The following SYMPK variants were observed in gnomAD, a reference collection of about 807,000 sequenced individuals.
The protein encoded by SYMPK is symplekin.
Under a neutral mutation model 136.4 loss-of-function variants are expected in SYMPK, and 49 were observed. That is an observed-to-expected ratio of 0.36 (90% CI 0.29 to 0.46). The LOEUF (loss-of-function observed/expected upper bound fraction) is 0.46. Ranked by LOEUF, SYMPK falls within the 20% of genes least tolerant of loss-of-function variation. The pLI, the probability that SYMPK is intolerant of heterozygous loss-of-function variation, is 1.00. For missense variants in SYMPK, 1,365 were observed against 1,690.0 expected, an observed-to-expected ratio of 0.81 and a Z score of 3.37; for synonymous variants, 766 against 713.0, an observed-to-expected ratio of 1.07 and a Z score of -1.19.
chr19:45,821,487 T>G lies in SYMPK; in HGVS notation c.2792-2A>C, dbSNP rs778653920. The G allele has an allele frequency of 1.2e-6, 2 of 1,610,696 alleles. No homozygotes were observed. The highest frequency in any genetic ancestry group is 1.1e-5 in the South Asian group (1 of 90,974). The stretch of plus-strand genomic sequence containing the variant: ...GGGACAAGGCTGAGTTTCCCTCACC[T>G]GCAGCAGGCGGGAGGAAGGGTGGGG... On this transcript the variant is annotated splice_acceptor_variant, in intron 21 of 26. Transcript: ENST00000245934. LOFTEE classifies it high-confidence loss of function. This position sits in a 1 kb window ranked among gnomAD's most constrained non-coding sequence, Gnocchi z 4.4.
In SYMPK at chr19:45,854,253, G is replaced by T. The variant is rs755741391; in HGVS notation, c.106-13C>A. 1.2e-6 allele frequency: 2 copies of T among 1,614,000 alleles called. No individual in the cohort carries two copies. Among genetic ancestry groups the T allele is most frequent in the East Asian group, 4.5e-5 (2 of 44,872 alleles). ...GAAGATCCACCACCTGGAAGGAGGG[G>T]GAGTGGCAGGGGATAGTGCCAGCCC... On this transcript the variant is annotated splice_polypyrimidine_tract_variant and intron_variant, in intron 2 of 26. Transcript: ENST00000245934.
intron 1 of SYMPK, among the ~76,000 whole-genome samples, chr19:45,858,206 C>G (rs1201943804): frequency 1.3e-5 from 2 of 152,162 alleles, no homozygotes; most frequent in Non-Finnish European, 2.9e-5. Context: ...TCCCTAGTTT[C>G]CCTGCTGCCT....
rs1231887270 is a variant in SYMPK, at chr19:45,815,558, C to G, written c.*2G>C. The G allele has an allele frequency of 4.4e-6, 7 of 1,578,496 alleles. No homozygotes were observed. The Admixed American group carries it at 1.1e-4, about 25-fold the overall frequency. On this transcript the variant is annotated 3_prime_UTR_variant, in exon 27 of 27. Transcript: ENST00000245934. Reference sequence around the variant, plus strand: ...CCCACCCCCTTTCCCCCTCGAGCCCCGTCAGCTGTTCCCCTTGGCCTCGGG... The same window carrying G: ...CCCACCCCCTTTCCCCCTCGAGCCCGGTCAGCTGTTCCCCTTGGCCTCGGG...
At chr19:45,843,313 G>A (rs1380065298) in intron 8 of SYMPK, among the ~76,000 whole-genome samples, 1 of 152,128 alleles carries the variant, frequency 6.6e-6, no homozygotes, top group East Asian at 1.9e-4. Flanking sequence ...ATGGAGAAAT[G>A]CAGATCCACG....
At chr19:45,861,073 TG>T (rs1971955824) in intron 1 of SYMPK, among the ~76,000 whole-genome samples, 1 of 152,134 alleles carries the variant, frequency 6.6e-6, no homozygotes, top group East Asian at 1.9e-4. Flanking sequence ...ACAACCGGCA[TG>T]GCATGCCGTC....
rs140645673 is a variant in SYMPK at position 45,853,287 on chromosome 19, G to T, written c.172-752C>A. Among the ~76,000 whole-genome samples the T allele has an allele frequency of 2.0e-3, 300 of 152,308 alleles. 3 individuals are homozygous for T. The highest frequency in any genetic ancestry group is 7.0e-3 in the African/African-American group (289 of 41,564). Reference sequence around the variant, plus strand: ...CTGCTCTGAACCATGCCCAGCCCAAGTGTCCCATGTCGTCTTCTGCCTTTG... The same window carrying T: ...CTGCTCTGAACCATGCCCAGCCCAATTGTCCCATGTCGTCTTCTGCCTTTG... On this transcript the variant is annotated intron_variant, in intron 3 of 26. Coordinates refer to ENST00000245934, the MANE Select transcript of SYMPK (RefSeq NM_004819.3).
At chr19:45,818,244 CTTCTAA>C in intron 22 of SYMPK, 98 bp from the exon 23 acceptor site, 3 of 1,277,216 alleles carry the variant, frequency 2.3e-6, no homozygotes, top group Non-Finnish European at 3.2e-6. Flanking sequence ...GAGGGGAAGA[CTTCTAA>C]AGCCCTGACT....
intron 19 of SYMPK, 90 bp from the exon 20 acceptor site, chr19:45,823,562 G>T: frequency 7.8e-7 from 1 of 1,274,078 alleles, no homozygotes; most frequent in Non-Finnish European, 1.1e-6. Context: ...AGGCAGGTGT[G>T]CAGGAAGGGA....
At chr19:45,832,208 C>T (rs1028022010) in intron 11 of SYMPK, among the ~76,000 whole-genome samples, 1 of 152,004 alleles carries the variant, frequency 6.6e-6, no homozygotes, top group African/African-American at 2.4e-5. Flanking sequence ...GTGGCTTGAT[C>T]CTGACTCGCT....
rs2303014 is a variant in SYMPK at position 45,848,864 on chromosome 19, A to G, written c.312T>C (p.Ile104=). 244,903 of 1,613,764 alleles carry G rather than the reference A, an allele frequency of 0.15. 19,541 individuals carry two copies. Among genetic ancestry groups the G allele is most frequent in the Admixed American group, 0.2 (12,285 of 60,000 alleles). Residue 104 remains isoleucine (I), a synonymous_variant, in exon 6 of 27, where the codon ATT becomes ATC. Coordinates refer to ENST00000245934, the MANE Select transcript of SYMPK (RefSeq NM_004819.3). ...TTGCAATGAGTTTCAGCAGCAACTC[A>G]ATGTCTCGCTTGCTGAGGGATGGAG... ...GFIEEACKRD[I]ELLLKLIANL...
intron 18 of SYMPK, 50 bp downstream of exon 18, chr19:45,825,121 C>T (rs2146307115): frequency 6.3e-7 from 1 of 1,584,372 alleles, no homozygotes; most frequent in Non-Finnish European, 8.6e-7. Flanking sequence ...GAGCTGGGGA[C>T]ACAGCCTTGC....
At position 45,816,506 on chromosome 19, in the gene SYMPK, C is replaced by G. The variant is rs773798585; in HGVS notation, c.3330G>C (p.Glu1110Asp). The G allele has an allele frequency of 3.1e-6, 5 of 1,613,228 alleles. No homozygotes were observed. The highest frequency in any genetic ancestry group is 4.2e-6 in the Non-Finnish European group (5 of 1,179,954). The change falls in exon 25 of 27, where the codon GAG (glutamate) becomes GAC (aspartate). Residue 1110 changes from glutamate to aspartate, a missense_variant. By Grantham distance (45) the Glu-to-Asp change is conservative. Around this residue, in one of 11 missense-constraint regions of SYMPK, gnomAD observed 341 missense variants for 270.5 expected, o/e 1.26. Transcript: ENST00000245934. ...CCTCCTCCAAGGGCCCCGCAGGCGCCTCCTTGGCCTCTGGCTCCTGCTTGC... is the reference window on the plus strand; with the variant it reads ...CCTCCTCCAAGGGCCCCGCAGGCGCGTCCTTGGCCTCTGGCTCCTGCTTGC... ...ASGKQEPEAK[E>D]APAGPLEEDD...
chr19:45,823,584 C>T, intron 19 of SYMPK, 112 bp from the exon 20 acceptor site: 1 of 1,084,800 alleles, frequency 9.2e-7, no homozygotes, highest in East Asian at 2.5e-5. Flanking sequence ...GGCAACTTCA[C>T]CCTTGGCTGC....
chr19:45,838,361 T>C, intron 10 of SYMPK, 100 bp downstream of exon 10: 1 of 1,367,002 alleles, frequency 7.3e-7, no homozygotes, highest in South Asian at 1.4e-5. Flanking sequence ...ATTAGGAGGG[T>C]ACTCTGGAGG....
At chr19:45,836,770 C>T (rs1971311176) in intron 10 of SYMPK, among the ~76,000 whole-genome samples, 1 of 152,156 alleles carries the variant, frequency 6.6e-6, no homozygotes, top group Non-Finnish European at 1.5e-5. Flanking sequence ...TCTCCAGTGG[C>T]TGGGATCACA....
In SYMPK at chr19:45,822,789, C is replaced by G; in HGVS notation, c.2758G>C (p.Glu920Gln). The G allele has an allele frequency of 6.2e-7, 1 of 1,614,148 alleles. No homozygotes were observed. The highest frequency in any genetic ancestry group is 8.5e-7 in the Non-Finnish European group (1 of 1,180,006). The change falls in exon 21 of 27, where the codon GAA becomes CAA. Residue 920 changes from glutamate (E) to glutamine (Q), a missense_variant. Physicochemically the swap from Glu to Gln is conservative, Grantham distance 29 (BLOSUM62 2). Coordinates refer to ENST00000245934, the MANE Select transcript of SYMPK (RefSeq NM_004819.3). ...GTGCCCAGCAGGCGGTTGAAGACTT[C>G]CTTCACCACGATGGGGTTGAGTTTG... ...LIKLNPIVVK[E>Q]VFNRLLGTQH... is the part of the protein sequence containing the mutation.
At position 45,855,548 on chromosome 19, in the gene SYMPK, T is replaced by C. The variant is rs1480571181; in HGVS notation, c.-12-1041A>G. The C allele has an allele frequency of 2.7e-5, 4 of 150,110 alleles. No individual in the cohort carries two copies. In the East Asian group the frequency reaches 7.8e-4, roughly 29 times the overall value. The allele number at this position is 150,110 out of a possible 1,614,324, so 9.3% of individuals were successfully genotyped here. On this transcript the variant is annotated intron_variant, in intron 1 of 26. Transcript: ENST00000245934. ...TAAGTGAAAAACATATAAATATAAA[T>C]AAAGGAAAAAGACTATGGAACTGTA...
rs984816504 is a variant in SYMPK, at chr19:45,821,727, C to T, written c.2792-242G>A. Among the ~76,000 whole-genome samples, 10 of 152,226 alleles carry T rather than the reference C, an allele frequency of 6.6e-5. No homozygotes were observed. The highest frequency in any genetic ancestry group is 1.9e-4 in the East Asian group (1 of 5,196). ...CATCCTGGGCTCCCACCCTGGGTAG[C>T]GTGTGGCACGGCTGGGTCTCTCTGC... On this transcript the variant is annotated intron_variant, in intron 21 of 26. Coordinates refer to ENST00000245934, the MANE Select transcript of SYMPK (RefSeq NM_004819.3). The surrounding 1 kb of genome is among the most constrained non-coding windows in gnomAD (Gnocchi z 4.4).
At chr19:45,838,896 T>C (rs1971370202) in intron 9 of SYMPK, among the ~76,000 whole-genome samples, 1 of 152,210 alleles carries the variant, frequency 6.6e-6, no homozygotes, top group African/African-American at 2.4e-5. Flanking sequence ...ATTATTATTA[T>C]TACTATTTTT....
Sources: allele counts gnomAD v4.1 joint callset (sites outside exome capture counted in the v4.1 genomes callset), GRCh38; gene constraint gnomAD v4.1.1; regional missense constraint gnomAD v4.1.1; non-coding constraint Gnocchi (gnomAD v3.1); transcripts MANE v1.5; gene names NCBI Gene and HGNC (gene_info 2026-07-23, HGNC 2026-07-21).